The following RBFOX1 variants were observed in gnomAD, a reference collection of about 807,000 sequenced individuals.
The protein encoded by RBFOX1 is RNA binding fox-1 homolog 1.
In RBFOX1, 8 loss-of-function variants were observed where a neutral mutation model predicts 57.7. The observed-to-expected ratio is 0.14, with a 90% CI of 0.08 to 0.25. The LOEUF is 0.25. Among genes scored for constraint, RBFOX1 ranks in the 10% least tolerant of loss-of-function variants. The pLI, the probability that RBFOX1 is intolerant of heterozygous loss-of-function variation, is 1.00. For synonymous variants in RBFOX1, 326 were observed against 222.4 expected, an observed-to-expected ratio of 1.47 and a Z score of -4.15; for missense variants, 611 against 548.5, an observed-to-expected ratio of 1.11 and a Z score of -1.14.
intron 4 of RBFOX1, among the ~76,000 whole-genome samples, chr16:7,351,514 A>G (rs534496980): frequency 4.9e-4 from 74 of 152,352 alleles, no homozygotes; most frequent in Non-Finnish European, 7.6e-4. Context: ...AAACTGATTA[A>G]TTTTAGATTG....
At chr16:6,402,130 C>T (rs2152954681) in intron 2 of RBFOX1, among the ~76,000 whole-genome samples, 1 of 151,554 alleles carries the variant, frequency 6.6e-6, no homozygotes, top group South Asian at 2.1e-4. Context: ...TGAGTCCTGT[C>T]CCAAAAAAAT....
chr16:6,901,979 C>T (rs1290112017), intron 3 of RBFOX1, among the ~76,000 whole-genome samples: 3 of 152,082 alleles, frequency 2.0e-5, no homozygotes, highest in Admixed American at 2.0e-4. Context: ...GCGTTACAGA[C>T]ATCTGTTTAT....
At chr16:6,377,711 T>C (rs529948087) in intron 2 of RBFOX1, among the ~76,000 whole-genome samples, 1 of 152,374 alleles carries the variant, frequency 6.6e-6, no homozygotes, top group East Asian at 1.9e-4. Flanking sequence ...TCTATTTAAA[T>C]GCAAATTTTG....
At chr16:7,202,284 AG>A (rs778573477) in intron 4 of RBFOX1, among the ~76,000 whole-genome samples, 7 of 140,100 alleles carry the variant, frequency 5.0e-5, no homozygotes, top group Non-Finnish European at 7.6e-5. Flanking sequence ...CACACACATT[AG>A]GATGGCTGCA....
At chr16:7,193,413 C>G (rs1602507725) in intron 4 of RBFOX1, among the ~76,000 whole-genome samples, 1 of 152,224 alleles carries the variant, frequency 6.6e-6, no homozygotes, top group Non-Finnish European at 1.5e-5. Flanking sequence ...CATCAGATTT[C>G]TGAACTACAG....
chr16:6,113,052 C>T (rs1241178991), intron 1 of RBFOX1, among the ~76,000 whole-genome samples: 1 of 152,080 alleles, frequency 6.6e-6, no homozygotes, highest in Non-Finnish European at 1.5e-5. Flanking sequence ...AAGCATAGTT[C>T]CTCAGATAAC....
At chr16:7,680,155 T>C (rs2074367845) in intron 14 of RBFOX1, among the ~76,000 whole-genome samples, 2 of 152,162 alleles carry the variant, frequency 1.3e-5, no homozygotes, top group Non-Finnish European at 2.9e-5. Context: ...TCACATCAGC[T>C]TGATGAATGG....
chr16:7,514,433 C>A (rs1446518872), intron 4 of RBFOX1, among the ~76,000 whole-genome samples: 2 of 152,186 alleles, frequency 1.3e-5, no homozygotes, highest in East Asian at 1.9e-4. Context: ...TGCTGTTGGA[C>A]CATGGAGATG....
At chr16:6,994,958 TGTG>T (rs2092037376) in intron 3 of RBFOX1, among the ~76,000 whole-genome samples, 2 of 151,888 alleles carry the variant, frequency 1.3e-5, no homozygotes, top group African/African-American at 4.8e-5. Context: ...TGTGTGTGTG[TGTG>T]TGTGTGTGTG....
At chr16:5,846,776 G>C (rs921004008) in intron 3 of RBFOX1, among the ~76,000 whole-genome samples, 1 of 152,198 alleles carries the variant, frequency 6.6e-6, no homozygotes, top group African/African-American at 2.4e-5. Context: ...GGATGTGAAG[G>C]ACCACATAGG....
At chr16:6,157,857 G>C (rs2096849495) in intron 1 of RBFOX1, among the ~76,000 whole-genome samples, 1 of 152,132 alleles carries the variant, frequency 6.6e-6, no homozygotes, top group Admixed American at 6.6e-5. Context: ...TCATCTTTGT[G>C]AACTCCAGTG....
chr16:6,993,846 G>A (rs555747467), intron 3 of RBFOX1, among the ~76,000 whole-genome samples: 3 of 152,272 alleles, frequency 2.0e-5, no homozygotes, highest in African/African-American at 7.2e-5. Context: ...CAAAATGCTT[G>A]TGAAGCAATA....
intron 2 of RBFOX1, among the ~76,000 whole-genome samples, chr16:5,522,752 G>T (rs2044070631): frequency 6.6e-6 from 1 of 152,148 alleles, no homozygotes; most frequent in Non-Finnish European, 1.5e-5. Context: ...TCCATGAGAT[G>T]AGTTGCTGTA....
chr16:6,418,447 A>G (rs1236225217), intron 2 of RBFOX1, among the ~76,000 whole-genome samples: 1 of 150,960 alleles, frequency 6.6e-6, no homozygotes, highest in Non-Finnish European at 1.5e-5. Context: ...GGGGTGCATT[A>G]TGATGTTATC....
intron 2 of RBFOX1, among the ~76,000 whole-genome samples, chr16:6,358,836 T>C (rs112300084): frequency 3.3e-5 from 5 of 152,334 alleles, no homozygotes; most frequent in African/African-American, 1.2e-4. Context: ...TTTATCTCTC[T>C]GTTTTTATGG....
intron 3 of RBFOX1, among the ~76,000 whole-genome samples, chr16:5,833,441 G>A (rs1400103341): frequency 6.8e-6 from 1 of 145,992 alleles, no homozygotes; most frequent in Non-Finnish European, 1.5e-5. Flanking sequence ...CTTGCCGTGA[G>A]CCAAGACCGC....
chr16:6,589,435 C>A (rs867281534), intron 2 of RBFOX1, among the ~76,000 whole-genome samples: 1 of 152,170 alleles, frequency 6.6e-6, no homozygotes, highest in Admixed American at 6.5e-5. Context: ...GAAGTGCTGA[C>A]TGGTCAGGTT....
chr16:5,253,216 C>G (rs561008645), intron 1 of RBFOX1, among the ~76,000 whole-genome samples: 1 of 151,928 alleles, frequency 6.6e-6, no homozygotes, highest in Non-Finnish European at 1.5e-5. Flanking sequence ...ATGGTGCAAT[C>G]TCGGTTCACT....
At chr16:7,150,091 C>T (rs546980840) in intron 4 of RBFOX1, among the ~76,000 whole-genome samples, 1 of 152,272 alleles carries the variant, frequency 6.6e-6, no homozygotes, top group South Asian at 2.1e-4. Context: ...CCTGTTCTTC[C>T]CTCTCTCTTT....
Sources: gnomAD v4.1 joint callset for allele counts (sites outside exome capture counted in the v4.1 genomes callset) on GRCh38, gnomAD v4.1.1 for gene constraint, MANE v1.5 for transcripts, NCBI Gene and HGNC (gene_info 2026-07-23, HGNC 2026-07-21) for gene names.